The following HS3ST3B1 variants were observed in gnomAD, a reference collection of about 807,000 sequenced individuals.
HS3ST3B1 encodes heparan sulfate glucosamine 3-O-sulfotransferase 3B1.
In HS3ST3B1, 13 loss-of-function variants were observed where a neutral mutation model predicts 21.3. That is an observed-to-expected ratio of 0.61 (90% confidence interval 0.40 to 0.97). The LOEUF (loss-of-function observed/expected upper bound fraction) is 0.97. HS3ST3B1 is among the 50% of genes least tolerant of loss of function. The pLI, the probability that HS3ST3B1 is intolerant of heterozygous loss-of-function variation, is 0.00. For missense variants in HS3ST3B1, 459 were observed against 554.8 expected (o/e 0.83, Z 1.73); for synonymous variants, 234 against 254.8 (o/e 0.92, Z 0.78).
At chr17:14,328,110 A>G (rs1037938616) in intron 1 of HS3ST3B1, 2 of 152,220 alleles carry the variant, frequency 1.3e-5, no homozygotes, top group African/African-American at 4.8e-5. Context: ...TAAAGCACAG[A>G]AGAGTTGCTG....
At chr17:14,338,346 G>C (rs1003129504) in intron 1 of HS3ST3B1, among the ~76,000 whole-genome samples, 7 of 151,694 alleles carry the variant, frequency 4.6e-5, no homozygotes. Context: ...GGACGGTCTC[G>C]ATCTCCTGAC....
Position 14,303,380 on chromosome 17 carries a change from T to C in HS3ST3B1, c.554+1308T>C, listed in dbSNP as rs888760713. Among the ~76,000 whole-genome samples, 23 of 152,298 alleles carry C rather than the reference T, an allele frequency of 1.5e-4. No homozygotes were observed. Among genetic ancestry groups the C allele is most frequent in the Non-Finnish European group, 2.6e-4 (18 of 68,022 alleles). The stretch of plus-strand genomic sequence containing the variant: ...GGCTGACCCCGCGGATTAAAACGGC[T>C]CCCTTCCCAGCCTCGTCCTACCCCT... On this transcript the variant is annotated intron_variant, in intron 1 of 1. Transcript: ENST00000360954. This position sits in a 1 kb window ranked among gnomAD's most constrained non-coding sequence, Gnocchi z 5.7.
chr17:14,342,476 C>T (rs1228591683), intron 1 of HS3ST3B1, among the ~76,000 whole-genome samples: 1 of 152,052 alleles, frequency 6.6e-6, no homozygotes, highest in Non-Finnish European at 1.5e-5. Flanking sequence ...CAAACTAGCG[C>T]TTATACACAT....
intron 1 of HS3ST3B1, among the ~76,000 whole-genome samples, chr17:14,316,580 ATGTTTT>A (rs1909508424): frequency 6.6e-6 from 1 of 152,162 alleles, no homozygotes; most frequent in South Asian, 2.1e-4. Flanking sequence ...TGGTCTGAGT[ATGTTTT>A]ATGCTAGCAC....
intron 1 of HS3ST3B1, among the ~76,000 whole-genome samples, chr17:14,309,585 C>T (rs559176177): frequency 2.6e-4 from 40 of 152,332 alleles, no homozygotes; most frequent in African/African-American, 8.7e-4. Context: ...GTTGGCCTGG[C>T]TGTTGGCAGC....
chr17:14,311,989 G>A (rs1299049654), intron 1 of HS3ST3B1, among the ~76,000 whole-genome samples: 4 of 152,140 alleles, frequency 2.6e-5, no homozygotes, highest in African/African-American at 9.7e-5. Flanking sequence ...GCAGAAGCAT[G>A]AGATAAGATA....
chr17:14,312,315 C>G (rs1449884616), intron 1 of HS3ST3B1, among the ~76,000 whole-genome samples: 2 of 152,072 alleles, frequency 1.3e-5, no homozygotes, highest in Non-Finnish European at 2.9e-5. Flanking sequence ...GGAACGACTC[C>G]CTGAGGGCCC....
At position 14,327,091 on chromosome 17, in the gene HS3ST3B1, A is replaced by G. The variant is rs553376823; in HGVS notation, c.555-17937A>G. Among the ~76,000 whole-genome samples, 8 of 152,266 alleles carry G rather than the reference A, an allele frequency of 5.3e-5. No individual in the cohort carries two copies. In the East Asian group the frequency reaches 1.2e-3, roughly 22 times the overall value. ...CATAAACGGTAAGTCCCTGGAGGGC[A>G]AGAATCATCCCGATCAACAACACAC... On this transcript the variant is annotated intron_variant, in intron 1 of 1. Transcript: ENST00000360954.
intron 1 of HS3ST3B1, among the ~76,000 whole-genome samples, chr17:14,320,446 C>G (rs950883378): frequency 1.3e-5 from 2 of 152,064 alleles, no homozygotes; most frequent in South Asian, 4.2e-4. Context: ...AAGGACCCAG[C>G]AGAAGAGAGT....
Position 14,303,821 on chromosome 17 carries a change from A to T in HS3ST3B1, c.554+1749A>T, listed in dbSNP as rs1189477830. ...TATAACTAGCGCCCTTCCAGGTGGAACCCGCCAGAGCCCCGAGGCAGCCTA... is the reference window on the plus strand; with the variant it reads ...TATAACTAGCGCCCTTCCAGGTGGATCCCGCCAGAGCCCCGAGGCAGCCTA... On this transcript the variant is annotated intron_variant, in intron 1 of 1. Coordinates refer to ENST00000360954, the MANE Select transcript of HS3ST3B1 (RefSeq NM_006041.3). The surrounding 1 kb of genome is among the most constrained non-coding windows in gnomAD (Gnocchi z 5.7). 6.6e-6 allele frequency: 1 copy of T among 152,174 alleles called. No homozygotes were observed. Among genetic ancestry groups the T allele is most frequent in the Admixed American group, 6.5e-5 (1 of 15,274 alleles). 9.4% of individuals were successfully genotyped at this position (152,174 alleles called of 1,614,324 possible).
intron 1 of HS3ST3B1, among the ~76,000 whole-genome samples, chr17:14,336,036 T>C (rs1337192233): frequency 6.6e-6 from 1 of 152,180 alleles, no homozygotes; most frequent in Non-Finnish European, 1.5e-5. Context: ...GGGGTATTTC[T>C]GCAACTAAAC....
intron 1 of HS3ST3B1, 129 bp downstream of exon 1, chr17:14,302,201 C>A: frequency 9.0e-7 from 1 of 1,111,140 alleles, no homozygotes; most frequent in Non-Finnish European, 1.3e-6. Flanking sequence ...AGGGAAACTA[C>A]GGCAGATTGC....
chr17:14,331,353 G>A (rs948878584), intron 1 of HS3ST3B1, among the ~76,000 whole-genome samples: 2 of 152,066 alleles, frequency 1.3e-5, no homozygotes, highest in Non-Finnish European at 2.9e-5. Flanking sequence ...GTGAAGCGGG[G>A]CCTATAACCG....
intron 1 of HS3ST3B1, among the ~76,000 whole-genome samples, chr17:14,313,086 TGTGTGTG>T (rs1414678374): frequency 4.7e-5 from 4 of 85,270 alleles, no homozygotes; most frequent in African/African-American, 9.8e-5. Flanking sequence ...ATTGTGTGTG[TGTGTGTG>T]GTGTGTGTGT....
At chr17:14,331,260 G>A (rs9893188) in intron 1 of HS3ST3B1, among the ~76,000 whole-genome samples, 65,830 of 151,652 alleles carry the variant, frequency 0.43, 14,592 homozygotes, top group African/African-American at 0.54. Flanking sequence ...GAGCTCACCC[G>A]CAAAAGACTA....
Position 14,301,623 on chromosome 17 carries a change from G to A in HS3ST3B1, c.105G>A (p.Leu35=). The change falls in exon 1 of 2, where the codon CTG becomes CTA. Residue 35 remains leucine, a synonymous_variant. Transcript: ENST00000360954. ...PPPPVRRKLA[L]LFAMLCVWLY... is the part of the protein sequence containing the mutation. Reference sequence around the variant, plus strand: ...CGCCGGTGAGGAGGAAGCTCGCGCTGCTCTTCGCCATGCTCTGCGTCTGGC... The same window carrying A: ...CGCCGGTGAGGAGGAAGCTCGCGCTACTCTTCGCCATGCTCTGCGTCTGGC... The A allele has an allele frequency of 6.2e-7, 1 of 1,607,102 alleles. No individual in the cohort carries two copies.
At chr17:14,307,750 T>A (rs1057101651) in intron 1 of HS3ST3B1, among the ~76,000 whole-genome samples, 1 of 152,196 alleles carries the variant, frequency 6.6e-6, no homozygotes, top group Non-Finnish European at 1.5e-5. Flanking sequence ...ACATGGAAAT[T>A]AAGTTGATTG....
At position 14,303,493 on chromosome 17, in the gene HS3ST3B1, C is replaced by T. The variant is rs1378826823; in HGVS notation, c.554+1421C>T. 6.6e-6 allele frequency among the ~76,000 whole-genome samples: 1 copy of T among 152,128 alleles called. No homozygotes were observed. The highest frequency in any genetic ancestry group is 2.4e-5 in the African/African-American group (1 of 41,414). On this transcript the variant is annotated intron_variant, in intron 1 of 1. Coordinates refer to ENST00000360954, the MANE Select transcript of HS3ST3B1 (RefSeq NM_006041.3). The surrounding 1 kb of genome is among the most constrained non-coding windows in gnomAD (Gnocchi z 5.7). ...CAACCGTGACAGTCATCTTTCCCAC[C>T]GTTCCCGGGCTGTGACCCATTCTCG...
chr17:14,322,765 T>A (rs1476816474), intron 1 of HS3ST3B1, among the ~76,000 whole-genome samples: 1 of 152,132 alleles, frequency 6.6e-6, no homozygotes, highest in African/African-American at 2.4e-5. Context: ...CAACCAGGCT[T>A]TTGACCAGCA....
Sources: allele counts gnomAD v4.1 joint callset (sites outside exome capture counted in the v4.1 genomes callset), GRCh38; gene constraint gnomAD v4.1.1; non-coding constraint Gnocchi (gnomAD v3.1); transcripts MANE v1.5; gene names NCBI Gene and HGNC (gene_info 2026-07-23, HGNC 2026-07-21).